AHRR: variants seen among roughly 807,000 people sequenced by gnomAD.
AHRR encodes ahR repressor.
Under a neutral mutation model 44.0 loss-of-function variants are expected in AHRR, and 28 were observed. That is an observed-to-expected ratio of 0.64 (90% CI 0.47 to 0.87). The LOEUF (loss-of-function observed/expected upper bound fraction) is 0.87. Among genes scored for constraint, AHRR ranks in the 40% least tolerant of loss-of-function variants. The pLI, the probability that AHRR is intolerant of heterozygous loss-of-function variation, is 0.00. For synonymous variants in AHRR, 434 were observed against 407.0 expected (o/e 1.07, Z -0.80); for missense variants, 990 against 953.9 (o/e 1.04, Z -0.50).
chr5:397,121 C>T (rs1297995091), intron 4 of AHRR, among the ~76,000 whole-genome samples: 1 of 125,356 alleles, frequency 8.0e-6, no homozygotes, highest in Non-Finnish European at 1.7e-5. Flanking sequence ...CCTGACCATC[C>T]ATGTTAGCCC....
chr5:422,983 C>G (rs1736203826), intron 6 of AHRR, 125 bp downstream of exon 6: 3 of 1,294,630 alleles, frequency 2.3e-6, no homozygotes, highest in Non-Finnish European at 2.1e-6. Flanking sequence ...GACCTTAGCG[C>G]CAAATCTCAC....
At chr5:429,388 G>A (rs529647458) in intron 8 of AHRR, among the ~76,000 whole-genome samples, 9 of 152,338 alleles carry the variant, frequency 5.9e-5, no homozygotes, top group African/African-American at 1.7e-4. Flanking sequence ...CCCCTTCCCC[G>A]GCCACCTGGG....
chr5:423,902 C>A lies in AHRR; in HGVS notation c.633C>A (p.Thr211=). 1 of 1,604,528 alleles carries A rather than the reference C, an allele frequency of 6.2e-7. No homozygotes were observed. The highest frequency in any genetic ancestry group is 8.5e-7 in the Non-Finnish European group (1 of 1,179,932). ...RAQEWGTGTP[T]EYSAFLTRCF... is the part of the protein sequence containing the mutation. ...AGGAGTGGGGCACAGGCACGCCCAC[C>A]GAGTACTCGGCCTTCCTGACCCGCT... is the stretch of plus-strand genomic sequence containing the variant. The change falls in exon 7 of 11, where the codon ACC becomes ACA. Residue 211 remains threonine, a synonymous_variant. Coordinates refer to ENST00000684583, the MANE Select transcript of AHRR (RefSeq NM_001377236.1).
intron 3 of AHRR, among the ~76,000 whole-genome samples, chr5:354,926 C>T (rs1742988160): frequency 6.6e-6 from 1 of 152,220 alleles, no homozygotes; most frequent in Non-Finnish European, 1.5e-5. Flanking sequence ...TGATGCCCAG[C>T]ATCACGCGCC....
chr5:376,060 CACT>C (rs10617770), intron 3 of AHRR, among the ~76,000 whole-genome samples: 2,059 of 109,708 alleles, frequency 0.019, 24 homozygotes, highest in Admixed American at 0.034. Flanking sequence ...GCCTGCTTCT[CACT>C]AGGGAGGGGG....
intron 3 of AHRR, among the ~76,000 whole-genome samples, chr5:359,651 G>A (rs1265725984): frequency 6.6e-6 from 1 of 152,188 alleles, no homozygotes; most frequent in East Asian, 1.9e-4. Context: ...CAGCATCGGA[G>A]TCCTCTTGTT....
At chr5:425,580 T>C (rs902307233) in intron 7 of AHRR, among the ~76,000 whole-genome samples, 3 of 152,248 alleles carry the variant, frequency 2.0e-5, no homozygotes, top group African/African-American at 7.2e-5. Context: ...GGCTAAGGAA[T>C]GTTGTTCGTT....
At chr5:325,601 G>T (rs1389972866) in intron 1 of AHRR, among the ~76,000 whole-genome samples, 1 of 151,992 alleles carries the variant, frequency 6.6e-6, no homozygotes, top group Non-Finnish European at 1.5e-5. Context: ...TCGGGGGGAG[G>T]GCTGGACCCT....
intron 5 of AHRR, chr5:422,513 G>A (rs569087003): frequency 4.9e-5 from 29 of 592,574 alleles, no homozygotes; most frequent in Non-Finnish European, 8.3e-5. Flanking sequence ...CACTTGGCGG[G>A]CAGACGGGTG....
intron 4 of AHRR, among the ~76,000 whole-genome samples, chr5:393,234 T>A (rs1315669054): frequency 6.6e-6 from 1 of 152,234 alleles, no homozygotes; most frequent in Non-Finnish European, 1.5e-5. Context: ...CACAGACGCG[T>A]CCTCCGGCCC....
chr5:414,543 C>A (rs1236047852), intron 5 of AHRR, among the ~76,000 whole-genome samples: 1 of 152,136 alleles, frequency 6.6e-6, no homozygotes, highest in East Asian at 1.9e-4. Context: ...TGCAAATGAG[C>A]TCACAATGCA....
chr5:362,620 C>G (rs1743221285), intron 3 of AHRR, among the ~76,000 whole-genome samples: 1 of 152,332 alleles, frequency 6.6e-6, no homozygotes, highest in South Asian at 2.1e-4. Flanking sequence ...GAGAGTTGGT[C>G]CTGCCCTGAT....
At chr5:420,810 C>CACCCACCCACGCAGCACGCCCAG (rs1560919254) in intron 5 of AHRR, 1 of 65,462 alleles carries the variant, frequency 1.5e-5, no homozygotes, top group African/African-American at 1.8e-4. Context: ...GCCACGCAGC[C>CACCCACCCACGCAGCACGCCCAG]ACCCACCCAC....
At position 383,121 on chromosome 5, in the gene AHRR, G is replaced by A. The variant is rs747197886; in HGVS notation, c.351+6405G>A. Among the ~76,000 whole-genome samples, 3 of 152,220 alleles carry A rather than the reference G, an allele frequency of 2.0e-5. No individual in the cohort carries two copies. Among genetic ancestry groups the A allele is most frequent in the Non-Finnish European group, 4.4e-5 (3 of 68,018 alleles). ...TTCTGGCTCAATTTTGTTATGGTCA[G>A]AGAATATACTTTTTAATGATTTCTA... On this transcript the variant is annotated intron_variant, in intron 4 of 10. Coordinates refer to ENST00000684583, the MANE Select transcript of AHRR (RefSeq NM_001377236.1). The surrounding 1 kb of genome is among the most constrained non-coding windows in gnomAD (Gnocchi z 4.0).
intron 4 of AHRR, among the ~76,000 whole-genome samples, chr5:403,315 A>G (rs1305230309): frequency 6.6e-6 from 1 of 152,176 alleles, no homozygotes; most frequent in Non-Finnish European, 1.5e-5. Flanking sequence ...GGACGTGCTT[A>G]ATGCCACTGA....
chr5:355,505 G>A (rs972509291), intron 3 of AHRR, among the ~76,000 whole-genome samples: 7 of 152,172 alleles, frequency 4.6e-5, no homozygotes, highest in Admixed American at 6.5e-5. Context: ...TCCTCCCACC[G>A]ACACCGCACA....
rs753468516 is a variant in AHRR at position 423,956 on chromosome 5, G to A, written c.687G>A (p.Leu229=). 25 of 1,600,680 alleles carry A rather than the reference G, an allele frequency of 1.6e-5. No homozygotes were observed. The highest frequency in any genetic ancestry group is 1.7e-5 in the Non-Finnish European group (20 of 1,179,756). ...TCATCTGCCGTGTGCGCTGCCTGCT[G>A]GACAGCACCTCGGGCTTCCTGGTGA... is the stretch of plus-strand genomic sequence containing the variant. ...RCFICRVRCL[L]DSTSGFLTMQ... is the part of the protein sequence containing the mutation. The change falls in exon 7 of 11, where the codon CTG becomes CTA. Residue 229 remains leucine (L), a synonymous_variant. Coordinates refer to ENST00000684583, the MANE Select transcript of AHRR (RefSeq NM_001377236.1).
rs1403719567 is a variant in AHRR at position 393,745 on chromosome 5, C to T, written c.351+17029C>T. Among the ~76,000 whole-genome samples, 3 of 152,118 alleles carry T rather than the reference C, an allele frequency of 2.0e-5. No individual in the cohort carries two copies. In the South Asian group the frequency reaches 6.2e-4, roughly 31 times the overall value. ...CTCTGCCTCCTGAGTTCAAGTGATT[C>T]TCCTGCCTCAGCCTCCCAAGTAGCT... On this transcript the variant is annotated intron_variant, in intron 4 of 10. Transcript: ENST00000684583.
In AHRR at chr5:434,249, G is replaced by T; in HGVS notation, c.1509G>T (p.Arg503Ser). ...PQPGAQRFAT[R>S]GYPMEDMKLQ... The stretch of plus-strand genomic sequence containing the variant: ...CTGGAGCTCAGCGTTTTGCCACGAG[G>T]GGCTATCCCATGGAGGACATGAAGC... The change falls in exon 11 of 11, where the codon AGG (arginine) becomes AGT (serine). Residue 503 changes from arginine to serine, a missense_variant. Arg to Ser is a moderately radical substitution (Grantham distance 110). Transcript: ENST00000684583. 6.3e-7 allele frequency: 1 copy of T among 1,598,182 alleles called. No homozygotes were observed. The highest frequency in any genetic ancestry group is 8.5e-7 in the Non-Finnish European group (1 of 1,172,172).
Sources: gnomAD v4.1 joint callset for allele counts (sites outside exome capture counted in the v4.1 genomes callset) on GRCh38, gnomAD v4.1.1 for gene constraint, Gnocchi (gnomAD v3.1) non-coding constraint, MANE v1.5 for transcripts, NCBI Gene and HGNC (gene_info 2026-07-23, HGNC 2026-07-21) for gene names.